Variants in CSMD1 observed in about 807,000 individuals in gnomAD.
The protein encoded by CSMD1 is CUB and Sushi multiple domains 1, also known as CUB and sushi domain-containing protein 1.
A neutral mutation model predicts 417.5 loss-of-function variants in CSMD1; 213 were observed. That is an observed-to-expected ratio of 0.51 (90% confidence interval 0.46 to 0.57). CSMD1 has a LOEUF of 0.57. CSMD1 is among the 20% of genes least tolerant of loss of function. The probability of loss-of-function intolerance (pLI) is 0.00; values close to 1 mark genes in which losing one functional copy is unlikely to be tolerated. For synonymous variants in CSMD1, 2,862 were observed against 1,736.8 expected (o/e 1.65, Z -16.11); for missense variants, 6,923 against 4,529.7 (o/e 1.53, Z -15.17).
At chr8:3,528,800 G>C (rs148342619) in intron 10 of CSMD1, among the ~76,000 whole-genome samples, 399 of 152,162 alleles carry the variant, frequency 2.6e-3, no homozygotes, top group African/African-American at 8.8e-3. Context: ...AAAACACCTG[G>C]ATAAAATTAT....
At chr8:4,853,113 T>C (rs1473081130) in intron 1 of CSMD1, among the ~76,000 whole-genome samples, 2 of 152,178 alleles carry the variant, frequency 1.3e-5, no homozygotes, top group Non-Finnish European at 2.9e-5. Context: ...AAAGCATGTT[T>C]TTAGTGGAAG....
intron 21 of CSMD1, among the ~76,000 whole-genome samples, chr8:3,348,689 A>G (rs148078000): frequency 6.6e-6 from 1 of 152,352 alleles, no homozygotes; most frequent in Non-Finnish European, 1.5e-5. Flanking sequence ...ATGCCTCAGC[A>G]TTATGTCTTA....
chr8:4,483,106 C>G (rs1275550556), intron 2 of CSMD1, among the ~76,000 whole-genome samples: 1 of 152,124 alleles, frequency 6.6e-6, no homozygotes, highest in Admixed American at 6.6e-5. Flanking sequence ...GGGGCAGTCT[C>G]CCCCATACTG....
intron 5 of CSMD1, among the ~76,000 whole-genome samples, chr8:3,919,254 ATGTTT>A (rs1809052881): frequency 1.3e-5 from 2 of 150,502 alleles, no homozygotes; most frequent in African/African-American, 4.9e-5. Context: ...TTTTTAAAAA[ATGTTT>A]TCTTCTAGGA....
intron 3 of CSMD1, among the ~76,000 whole-genome samples, chr8:4,390,664 C>G (rs1296545996): frequency 6.6e-6 from 1 of 151,978 alleles, no homozygotes; most frequent in African/African-American, 2.4e-5. Flanking sequence ...CAGGCACCCC[C>G]CACCACGCCC....
In CSMD1 at chr8:4,032,119, A is replaced by G. The variant is rs772576436; in HGVS notation, c.416-20T>C. ...GTAAAACTATTGGAAAAAGAAAAGA[A>G]AGGAGAAAAAACAAGTTAAATTTTC... On this transcript the variant is annotated intron_variant, in intron 3 of 69. Coordinates refer to ENST00000635120, the MANE Select transcript of CSMD1 (RefSeq NM_033225.6). The G allele has an allele frequency of 6.4e-7, 1 of 1,571,188 alleles. No individual in the cohort carries two copies. The highest frequency in any genetic ancestry group is 1.2e-5 in the South Asian group (1 of 85,816).
At chr8:3,338,811 CTTT>C (rs574071856) in intron 23 of CSMD1, among the ~76,000 whole-genome samples, 1 of 141,062 alleles carries the variant, frequency 7.1e-6, no homozygotes, top group African/African-American at 2.6e-5. Flanking sequence ...TCCAGCCTTT[CTTT>C]TTTTTTTTTT....
At chr8:4,181,823 A>C (rs1202767310) in intron 3 of CSMD1, among the ~76,000 whole-genome samples, 1 of 152,234 alleles carries the variant, frequency 6.6e-6, no homozygotes, top group Non-Finnish European at 1.5e-5. Flanking sequence ...ATGCAAATGT[A>C]ATATACATTC....
chr8:4,425,111 A>G (rs926662416), intron 2 of CSMD1, among the ~76,000 whole-genome samples: 1 of 152,098 alleles, frequency 6.6e-6, no homozygotes, highest in African/African-American at 2.4e-5. Flanking sequence ...TTAGGTACAA[A>G]ATAATGTGAT....
intron 49 of CSMD1, among the ~76,000 whole-genome samples, chr8:3,076,706 G>T (rs1813710838): frequency 6.6e-6 from 1 of 152,200 alleles, no homozygotes; most frequent in African/African-American, 2.4e-5. Context: ...TGAAAGAAAG[G>T]ATTGGTGAGA....
At chr8:4,388,688 A>C (rs1803636954) in intron 3 of CSMD1, among the ~76,000 whole-genome samples, 1 of 152,168 alleles carries the variant, frequency 6.6e-6, no homozygotes, top group Admixed American at 6.5e-5. Flanking sequence ...TTGAACTCCA[A>C]TAGCTCATGG....
intron 30 of CSMD1, among the ~76,000 whole-genome samples, chr8:3,208,993 T>G (rs1462381075): frequency 3.3e-5 from 5 of 152,194 alleles, no homozygotes; most frequent in Non-Finnish European, 2.9e-5. Flanking sequence ...GTTCTGTCCC[T>G]CTAGAGAACT....
chr8:4,330,514 G>C (rs936071192), intron 3 of CSMD1, among the ~76,000 whole-genome samples: 4 of 151,600 alleles, frequency 2.6e-5, no homozygotes, highest in Non-Finnish European at 4.4e-5. Flanking sequence ...CACTTGAACC[G>C]AGGAGGCAGA....
chr8:3,277,818 T>C (rs1053291691), intron 26 of CSMD1, among the ~76,000 whole-genome samples: 1 of 152,110 alleles, frequency 6.6e-6, no homozygotes, highest in South Asian at 2.1e-4. Context: ...AGTAATGGGA[T>C]TGGGGGGATG....
chr8:3,884,725 C>T (rs1444073251), intron 5 of CSMD1, among the ~76,000 whole-genome samples: 2 of 151,996 alleles, frequency 1.3e-5, no homozygotes, highest in African/African-American at 2.4e-5. Flanking sequence ...CCATGATTGG[C>T]CTTAACTTGT....
At chr8:3,223,649 T>C in intron 28 of CSMD1, 80 bp downstream of exon 28, 1 of 1,430,728 alleles carries the variant, frequency 7.0e-7, no homozygotes, top group Non-Finnish European at 9.8e-7. Context: ...CATTAGAGAC[T>C]ATGAGGTCAT....
At chr8:4,990,960 A>C (rs746175870) in intron 1 of CSMD1, among the ~76,000 whole-genome samples, 1 of 152,124 alleles carries the variant, frequency 6.6e-6, no homozygotes, top group Non-Finnish European at 1.5e-5. Flanking sequence ...TGTTTGAATT[A>C]CTTACTTTAA....
At chr8:4,101,417 A>G (rs1801299367) in intron 3 of CSMD1, among the ~76,000 whole-genome samples, 1 of 152,030 alleles carries the variant, frequency 6.6e-6, no homozygotes, top group Non-Finnish European at 1.5e-5. Context: ...GCAGGTGAAT[A>G]TTTTCATTGG....
At chr8:3,780,827 A>C (rs1799137473) in intron 5 of CSMD1, among the ~76,000 whole-genome samples, 1 of 152,228 alleles carries the variant, frequency 6.6e-6, no homozygotes, top group South Asian at 2.1e-4. Context: ...TTGCCATAGA[A>C]CAATTTCCTC....
Sources: allele counts gnomAD v4.1 joint callset (sites outside exome capture counted in the v4.1 genomes callset), GRCh38; gene constraint gnomAD v4.1.1; transcripts MANE v1.5; gene names NCBI Gene and HGNC (gene_info 2026-07-23, HGNC 2026-07-21).